CAMTA1: variants seen among roughly 807,000 people sequenced by gnomAD.
CAMTA1 encodes calmodulin-binding transcription activator 1.
Under a neutral mutation model 170.9 loss-of-function variants are expected in CAMTA1, and 27 were observed. The ratio of observed to expected loss-of-function variants is 0.16; its 90% confidence interval spans 0.12 to 0.22. CAMTA1 has a LOEUF of 0.22. Ranked by LOEUF, CAMTA1 falls within the 10% of genes least tolerant of loss-of-function variation. The pLI is 1.00. For missense variants in CAMTA1, 1,619 were observed against 2,217.2 expected (o/e 0.73, Z 5.42); for synonymous variants, 833 against 891.5 (o/e 0.93, Z 1.17).
chr1:7,654,999 C>CT (rs1462008766), intron 7 of CAMTA1, among the ~76,000 whole-genome samples: 1 of 144,776 alleles, frequency 6.9e-6, no homozygotes, highest in Admixed American at 7.2e-5. Context: ...CACACCCACA[C>CT]ACACCTATAC....
intron 3 of CAMTA1, among the ~76,000 whole-genome samples, chr1:6,848,014 G>T (rs1158760430): frequency 1.3e-5 from 2 of 151,814 alleles, no homozygotes; most frequent in Non-Finnish European, 2.9e-5. Flanking sequence ...CCTGGCCTAA[G>T]ATTTTTATTT....
chr1:7,459,837 GGA>G (rs1244410030), intron 5 of CAMTA1, among the ~76,000 whole-genome samples: 9 of 152,226 alleles, frequency 5.9e-5, no homozygotes, highest in African/African-American at 2.2e-4. Context: ...AACTGTAGTG[GGA>G]GAGAAACAGC....
At chr1:7,566,784 A>G (rs952958106) in intron 6 of CAMTA1, among the ~76,000 whole-genome samples, 1 of 152,180 alleles carries the variant, frequency 6.6e-6, no homozygotes, top group Admixed American at 6.5e-5. Flanking sequence ...TTCTATGCCC[A>G]GTGGGCTTCA....
chr1:7,152,251 T>A (rs1646619768), intron 4 of CAMTA1, among the ~76,000 whole-genome samples: 1 of 152,194 alleles, frequency 6.6e-6, no homozygotes. Flanking sequence ...GCCCTTTGTC[T>A]CAGCTCTTTG....
chr1:7,488,516 CAT>C (rs1042778976), intron 6 of CAMTA1, among the ~76,000 whole-genome samples: 7 of 152,118 alleles, frequency 4.6e-5, no homozygotes, highest in South Asian at 4.1e-4. Context: ...CATACACACA[CAT>C]GTACACACAA....
At chr1:7,052,687 C>A (rs74053718) in intron 3 of CAMTA1, among the ~76,000 whole-genome samples, 8,502 of 152,262 alleles carry the variant, frequency 0.056, 760 homozygotes, top group African/African-American at 0.19. Context: ...TGTGCCCACA[C>A]CCGCCCAGTA....
intron 4 of CAMTA1, among the ~76,000 whole-genome samples, chr1:7,095,194 G>C (rs4908438): frequency 0.97 from 147,375 of 152,288 alleles, 71,355 homozygotes; most frequent in East Asian, 1. Context: ...GTGTTAGCAC[G>C]AAGAGGAGAG....
chr1:7,372,117 G>A (rs1415613476), intron 5 of CAMTA1, among the ~76,000 whole-genome samples: 2 of 152,192 alleles, frequency 1.3e-5, no homozygotes, highest in African/African-American at 4.8e-5. Flanking sequence ...ACAGTGTCAA[G>A]AACAGCCAGG....
At chr1:7,346,273 C>T (rs1031477552) in intron 5 of CAMTA1, among the ~76,000 whole-genome samples, 4 of 152,144 alleles carry the variant, frequency 2.6e-5, no homozygotes, top group Non-Finnish European at 5.9e-5. Flanking sequence ...GGACAGGTTT[C>T]TCTCCCTCTC....
rs1690074605 is a variant in CAMTA1 at position 6,959,833 on chromosome 1, A to G, written c.235-131471A>G. On this transcript the variant is annotated intron_variant, in intron 3 of 22. Coordinates refer to ENST00000303635, the MANE Select transcript of CAMTA1 (RefSeq NM_015215.4). ...TTCAGATTCAGGTCTGGCCTTCTGCAGCACCCCTTCTGCATGAATCACAGA... is the reference window on the plus strand; with the variant it reads ...TTCAGATTCAGGTCTGGCCTTCTGCGGCACCCCTTCTGCATGAATCACAGA... Among the ~76,000 whole-genome samples, 3 of 152,268 alleles carry G rather than the reference A, an allele frequency of 2.0e-5. No individual in the cohort carries two copies. In the South Asian group the frequency reaches 6.2e-4, roughly 32 times the overall value.
Position 6,934,681 on chromosome 1 carries a change from C to G in CAMTA1, c.234+109471C>G, listed in dbSNP as rs1048846136. Among the ~76,000 whole-genome samples, 1 of 152,036 alleles carries G rather than the reference C, an allele frequency of 6.6e-6. No homozygotes were observed. Among genetic ancestry groups the G allele is most frequent in the African/African-American group, 2.4e-5 (1 of 41,400 alleles). On this transcript the variant is annotated intron_variant, in intron 3 of 22. Transcript: ENST00000303635. This position sits in a 1 kb window ranked among gnomAD's most constrained non-coding sequence, Gnocchi z 4.5. ...AATGCCTCCCCTCCCTTCACCACCA[C>G]CCCCTCCCCTCTCTCCCCTCTTATG...
In CAMTA1 at chr1:7,747,707, A is replaced by G; in HGVS notation, c.4618-3A>G. The G allele has an allele frequency of 6.3e-7, 1 of 1,599,908 alleles. No homozygotes were observed. Among genetic ancestry groups the G allele is most frequent in the Non-Finnish European group, 8.5e-7 (1 of 1,174,210 alleles). The stretch of plus-strand genomic sequence containing the variant: ...TTTTTTTTCTCCTTACTTTACCCTT[A>G]AGGGCCGACCCTTGCGGGAACAGCA... On this transcript the variant is annotated splice_polypyrimidine_tract_variant and splice_region_variant and intron_variant, in intron 18 of 22. Transcript: ENST00000303635.
intron 6 of CAMTA1, among the ~76,000 whole-genome samples, chr1:7,498,275 A>AGT (rs575183920): frequency 6.9e-6 from 1 of 144,116 alleles, no homozygotes; most frequent in Non-Finnish European, 1.5e-5. Flanking sequence ...AGCGTGTGTG[A>AGT]GTGTGAGCGT....
chr1:7,055,541 ATTC>A (rs1295110867), intron 3 of CAMTA1, among the ~76,000 whole-genome samples: 2 of 152,176 alleles, frequency 1.3e-5, no homozygotes, highest in Non-Finnish European at 2.9e-5. Flanking sequence ...GTTGTTACCT[ATTC>A]TTATTGATTT....
intron 1 of CAMTA1, among the ~76,000 whole-genome samples, chr1:6,819,314 A>G (rs56269202): frequency 6.6e-6 from 1 of 151,380 alleles, no homozygotes; most frequent in Non-Finnish European, 1.5e-5. Flanking sequence ...CTTTTTTTTT[A>G]AAAAGTTACC....
At chr1:7,494,821 A>C (rs1277242257) in intron 6 of CAMTA1, among the ~76,000 whole-genome samples, 1 of 152,196 alleles carries the variant, frequency 6.6e-6, no homozygotes, top group East Asian at 1.9e-4. Context: ...ATAATAAAAA[A>C]TAAAAGGCCA....
chr1:7,304,073 AT>A (rs1675207455), intron 5 of CAMTA1, among the ~76,000 whole-genome samples: 1 of 132,146 alleles, frequency 7.6e-6, no homozygotes, highest in Non-Finnish European at 1.8e-5. Context: ...GGGGAGGGAG[AT>A]GAAGAGTTAT....
rs1036498890 is a variant in CAMTA1, at chr1:6,970,726, G to A, written c.235-120578G>A. Among the ~76,000 whole-genome samples, 90 of 152,314 alleles carry A rather than the reference G, an allele frequency of 5.9e-4. No homozygotes were observed. Among genetic ancestry groups the A allele is most frequent in the African/African-American group, 2.2e-3 (90 of 41,566 alleles). The stretch of plus-strand genomic sequence containing the variant: ...AGGACGTATCATCCAGTCCTGGTGG[G>A]TCAGGACATTCTACTATAGCAAGTG... On this transcript the variant is annotated intron_variant, in intron 3 of 22. Coordinates refer to ENST00000303635, the MANE Select transcript of CAMTA1 (RefSeq NM_015215.4). This position sits in a 1 kb window ranked among gnomAD's most constrained non-coding sequence, Gnocchi z 4.4.
chr1:7,667,394 C>T (rs535333956), intron 9 of CAMTA1, among the ~76,000 whole-genome samples: 1 of 152,240 alleles, frequency 6.6e-6, no homozygotes, highest in African/African-American at 2.4e-5. Context: ...GGTCCTGGCT[C>T]CTTGAGACCT....
Sources: gnomAD v4.1 joint callset for allele counts (sites outside exome capture counted in the v4.1 genomes callset) on GRCh38, gnomAD v4.1.1 for gene constraint, Gnocchi (gnomAD v3.1) non-coding constraint, MANE v1.5 for transcripts, NCBI Gene and HGNC (gene_info 2026-07-23, HGNC 2026-07-21) for gene names.